ADGRB3: variants seen among roughly 807,000 people sequenced by gnomAD.
The protein encoded by ADGRB3 is brain-specific angiogenesis inhibitor 3.
A neutral mutation model predicts 193.4 loss-of-function variants in ADGRB3; 37 were observed. The ratio of observed to expected loss-of-function variants is 0.19; its 90% confidence interval spans 0.15 to 0.25. The LOEUF is 0.25. Among genes scored for constraint, ADGRB3 ranks in the 10% least tolerant of loss-of-function variants. The probability of loss-of-function intolerance (pLI) is 1.00; values close to 1 mark genes in which losing one functional copy is unlikely to be tolerated. For missense variants in ADGRB3, 1,637 were observed against 1,852.9 expected (o/e 0.88, Z 2.14); for synonymous variants, 690 against 644.2 (o/e 1.07, Z -1.08).
intron 20 of ADGRB3, among the ~76,000 whole-genome samples, chr6:69,252,205 A>T (rs1252362554): frequency 1.3e-5 from 2 of 152,118 alleles, no homozygotes; most frequent in African/African-American, 4.8e-5. Context: ...TTTCTTTGAG[A>T]AGCAACTATA....
At chr6:68,886,715 G>C (rs1765917375) in intron 3 of ADGRB3, among the ~76,000 whole-genome samples, 1 of 151,946 alleles carries the variant, frequency 6.6e-6, no homozygotes, top group African/African-American at 2.4e-5. Context: ...CATTCAAATA[G>C]AACCATTGTT....
intron 3 of ADGRB3, among the ~76,000 whole-genome samples, chr6:68,824,215 T>C (rs4706665): frequency 0.66 from 100,020 of 151,252 alleles, 33,406 homozygotes; most frequent in East Asian, 0.77. Context: ...GCCATGTCTC[T>C]TAAACTTTTA....
At chr6:68,718,915 G>A (rs925392193) in intron 3 of ADGRB3, among the ~76,000 whole-genome samples, 7 of 151,772 alleles carry the variant, frequency 4.6e-5, no homozygotes, top group Non-Finnish European at 8.8e-5. Flanking sequence ...CGCTGTAACA[G>A]CAGAGTTGAG....
intron 3 of ADGRB3, among the ~76,000 whole-genome samples, chr6:68,913,171 C>T (rs1236297790): frequency 2.0e-5 from 3 of 152,210 alleles, no homozygotes; most frequent in Admixed American, 2.0e-4. Context: ...ATGTCCCTGT[C>T]TGACAGCTCT....
At chr6:69,246,591 C>T (rs1250412655) in intron 20 of ADGRB3, among the ~76,000 whole-genome samples, 1 of 152,104 alleles carries the variant, frequency 6.6e-6, no homozygotes, top group Non-Finnish European at 1.5e-5. Flanking sequence ...CCTCCTAGTC[C>T]CTTGATTATT....
At chr6:69,206,045 G>GTGTATGTATA (rs1327162820) in intron 17 of ADGRB3, among the ~76,000 whole-genome samples, 2 of 99,952 alleles carry the variant, frequency 2.0e-5, no homozygotes, top group African/African-American at 7.7e-5. Flanking sequence ...TATAATAATG[G>GTGTATGTATA]TATATATATA....
At chr6:69,265,214 C>A (rs1767013481) in intron 20 of ADGRB3, among the ~76,000 whole-genome samples, 1 of 151,758 alleles carries the variant, frequency 6.6e-6, no homozygotes, top group Non-Finnish European at 1.5e-5. Flanking sequence ...GTTCAGGGAA[C>A]CAGAGTAGTA....
At chr6:68,834,301 T>C (rs1027074431) in intron 3 of ADGRB3, among the ~76,000 whole-genome samples, 1 of 152,082 alleles carries the variant, frequency 6.6e-6, no homozygotes, top group African/African-American at 2.4e-5. Context: ...AGCAAGAGTG[T>C]ATGTGTGGAT....
chr6:68,790,235 A>G (rs1767073284), intron 3 of ADGRB3, among the ~76,000 whole-genome samples: 1 of 152,076 alleles, frequency 6.6e-6, no homozygotes, highest in African/African-American at 2.4e-5. Context: ...GTCCGAGATC[A>G]AACTGCAAGG....
chr6:68,948,544 C>T (rs1767834860), intron 6 of ADGRB3, among the ~76,000 whole-genome samples: 1 of 151,984 alleles, frequency 6.6e-6, no homozygotes, highest in Admixed American at 6.6e-5. Context: ...CTTCGGGGAA[C>T]ATAAAAAGCT....
chr6:69,095,537 A>G (rs1235508328), intron 17 of ADGRB3, among the ~76,000 whole-genome samples: 1 of 152,236 alleles, frequency 6.6e-6, no homozygotes, highest in East Asian at 1.9e-4. Flanking sequence ...ACTGGTTAGC[A>G]AATGATATTA....
Position 69,314,137 on chromosome 6 carries a change from C to T in ADGRB3, c.2815-10735C>T, listed in dbSNP as rs555952202. Among the ~76,000 whole-genome samples the T allele has an allele frequency of 5.9e-5, 9 of 151,618 alleles. 1 individual carries two copies. In the South Asian group the frequency reaches 1.9e-3, roughly 31 times the overall value. On this transcript the variant is annotated intron_variant, in intron 20 of 31. Transcript: ENST00000370598. ...GTATGATGTACAAGTGTTTGAATTC[C>T]CACAGCTCACATTTCAAAAAATCAG...
At chr6:68,990,376 A>G (rs888974303) in intron 10 of ADGRB3, among the ~76,000 whole-genome samples, 1 of 152,134 alleles carries the variant, frequency 6.6e-6, no homozygotes, top group Non-Finnish European at 1.5e-5. Context: ...GTGTGTAAAA[A>G]TATTACAAGG....
intron 17 of ADGRB3, among the ~76,000 whole-genome samples, chr6:69,230,834 G>T (rs1270564236): frequency 1.3e-5 from 2 of 152,134 alleles, no homozygotes; most frequent in Non-Finnish European, 2.9e-5. Flanking sequence ...GCAGTATTGT[G>T]TTTTATATAT....
At chr6:69,297,488 A>G (rs2127295204) in intron 20 of ADGRB3, among the ~76,000 whole-genome samples, 1 of 151,668 alleles carries the variant, frequency 6.6e-6, no homozygotes, top group East Asian at 2.0e-4. Context: ...TCATTGAGCT[A>G]TGAGGGAAGC....
intron 17 of ADGRB3, among the ~76,000 whole-genome samples, chr6:69,134,240 C>T (rs1774091050): frequency 6.6e-6 from 1 of 152,102 alleles, no homozygotes. Flanking sequence ...TTTTTAGTCA[C>T]CATTTATGCC....
chr6:69,212,525 G>GAA (rs3839473), intron 17 of ADGRB3, among the ~76,000 whole-genome samples: 1 of 150,282 alleles, frequency 6.7e-6, no homozygotes, highest in East Asian at 2.0e-4. Context: ...TATTTTAAAA[G>GAA]AAAAAAAAAA....
rs146027605 is a variant in ADGRB3 at position 68,865,350 on chromosome 6, A to C, written c.758-65209A>C. On this transcript the variant is annotated intron_variant, in intron 3 of 31. Transcript: ENST00000370598. ...TTTTTTCCCAAGCACAAACTTATCC[A>C]AGGCTGAGGGATCTGAAGTTATAAG... Among the ~76,000 whole-genome samples the C allele has an allele frequency of 2.2e-3, 341 of 152,228 alleles. 1 individual carries two copies. The highest frequency in any genetic ancestry group is 7.9e-3 in the African/African-American group (329 of 41,538).
intron 3 of ADGRB3, among the ~76,000 whole-genome samples, chr6:68,896,681 G>A (rs555105649): frequency 2.6e-5 from 4 of 152,230 alleles, no homozygotes; most frequent in Admixed American, 1.3e-4. Context: ...TCAATTAGGG[G>A]AAAGAGAAAG....
Sources: gnomAD v4.1 joint callset for allele counts (sites outside exome capture counted in the v4.1 genomes callset) on GRCh38, gnomAD v4.1.1 for gene constraint, MANE v1.5 for transcripts, NCBI Gene and HGNC (gene_info 2026-07-23, HGNC 2026-07-21) for gene names.